MTHFD1L: variants seen among roughly 807,000 people sequenced by gnomAD.
The protein encoded by MTHFD1L is methylenetetrahydrofolate dehydrogenase (NADP+ dependent) 1 like, also known as monofunctional C1-tetrahydrofolate synthase, mitochondrial.
In MTHFD1L, 81 loss-of-function variants were observed where a neutral mutation model predicts 119.5. The ratio of observed to expected loss-of-function variants is 0.68; its 90% CI spans 0.57 to 0.82. The LOEUF (loss-of-function observed/expected upper bound fraction) is 0.82, where lower values mean the gene tolerates loss of function less well. Among genes scored for constraint, MTHFD1L ranks in the 40% least tolerant of loss-of-function variants. MTHFD1L has a pLI of 0.00. For missense variants in MTHFD1L, 1,125 were observed against 1,253.4 expected (o/e 0.90, Z 1.55); for synonymous variants, 430 against 475.2 (o/e 0.90, Z 1.24).
Position 151,033,121 on chromosome 6 carries a change from CT to C in MTHFD1L, c.2587-1357del, listed in dbSNP as rs1219393561. ...ACTAATTGCATCATGCATATGCTTT[CT>C]TTTTTTTTTTTTTTGAGACAGAGTC... On this transcript the variant is annotated intron_variant, in intron 24 of 27. Transcript: ENST00000367321. Among the ~76,000 whole-genome samples the C allele has an allele frequency of 3.7e-3, 524 of 141,438 alleles. 1 individual carries two copies. Among genetic ancestry groups the C allele is most frequent in the African/African-American group, 5.8e-3 (223 of 38,748 alleles). The allele number at this position is 141,438 out of a possible 152,430, so 92.8% of individuals were successfully genotyped here.
intron 27 of MTHFD1L, among the ~76,000 whole-genome samples, chr6:151,101,321 T>C (rs544520125): frequency 2.6e-5 from 4 of 152,170 alleles, no homozygotes; most frequent in Non-Finnish European, 5.9e-5. Context: ...TGCCTGCTCT[T>C]ATAGAGTGGT....
chr6:151,057,487 C>A, intron 26 of MTHFD1L: 1 of 303,668 alleles, frequency 3.3e-6, no homozygotes, highest in Non-Finnish European at 4.8e-6. Flanking sequence ...CAAAAAGTTA[C>A]TGGGCTCAGT....
chr6:150,866,031 C>A lies in MTHFD1L; in HGVS notation c.209C>A (p.Ala70Glu). The change falls in exon 1 of 28, where the codon GCG (alanine) becomes GAG (glutamate). Residue 70 changes from alanine (A) to glutamate (E), a missense_variant. Ala to Glu is a moderately radical substitution (Grantham distance 107). Transcript: ENST00000367321. The stretch of plus-strand genomic sequence containing the variant: ...AGCCCCGGCGGCCGAACGCCCGCGG[C>A]GCGGGACTCCATCGTCAGGTGAGTG... ...SCSPGGRTPA[A>E]RDSIVREVIQ... 2 of 1,442,492 alleles carry A rather than the reference C, an allele frequency of 1.4e-6. No homozygotes were observed. Among genetic ancestry groups the A allele is most frequent in the Non-Finnish European group, 9.1e-7 (1 of 1,104,862 alleles). The allele number at this position is 1,442,492 out of a possible 1,614,324, so 89.4% of individuals were successfully genotyped here. A position where few individuals can be genotyped will look rare whatever the true frequency, so the allele number is the denominator to read the frequency against.
chr6:150,876,905 G>A (rs1780545733), intron 2 of MTHFD1L, among the ~76,000 whole-genome samples: 1 of 152,216 alleles, frequency 6.6e-6, no homozygotes, highest in Non-Finnish European at 1.5e-5. Flanking sequence ...CATTCTCTGG[G>A]ATCTGTAGCC....
At chr6:151,065,278 A>G (rs1026862651) in intron 26 of MTHFD1L, among the ~76,000 whole-genome samples, 3 of 152,164 alleles carry the variant, frequency 2.0e-5, no homozygotes, top group Non-Finnish European at 4.4e-5. Context: ...TCCTATCCAG[A>G]GGGAAGGCCT....
At chr6:151,095,132 A>C (rs17080769) in intron 27 of MTHFD1L, among the ~76,000 whole-genome samples, 1 of 152,150 alleles carries the variant, frequency 6.6e-6, no homozygotes, top group Non-Finnish European at 1.5e-5. Context: ...CCATAACTGC[A>C]TCTTTGATCT....
At chr6:151,032,094 C>T (rs2346142) in intron 24 of MTHFD1L, among the ~76,000 whole-genome samples, 2,307 of 152,248 alleles carry the variant, frequency 0.015, 50 homozygotes, top group African/African-American at 0.052. Flanking sequence ...TAGAAAAGTC[C>T]TCTTTCTTTG....
In MTHFD1L at chr6:150,916,619, A is replaced by C. The variant is rs150225801; in HGVS notation, c.893-1958A>C. Reference sequence around the variant, plus strand: ...CCTGGGATTACAGGCGTGAGCCACTATGCCCTGCCAGAAGTAGAATTCTTA... The same window carrying C: ...CCTGGGATTACAGGCGTGAGCCACTCTGCCCTGCCAGAAGTAGAATTCTTA... On this transcript the variant is annotated intron_variant, in intron 8 of 27. Transcript: ENST00000367321. Among the ~76,000 whole-genome samples the C allele has an allele frequency of 1.6e-3, 243 of 149,166 alleles. 2 individuals carry two copies. Among genetic ancestry groups the C allele is most frequent in the African/African-American group, 5.6e-3 (229 of 40,660 alleles).
chr6:150,978,734 G>A (rs750709516), intron 20 of MTHFD1L, among the ~76,000 whole-genome samples: 3 of 152,072 alleles, frequency 2.0e-5, no homozygotes, highest in African/African-American at 7.2e-5. Context: ...CCTTAAAACC[G>A]TCTGTGGGAT....
intron 4 of MTHFD1L, 66 bp from the exon 5 acceptor site, chr6:150,882,696 G>C: frequency 8.4e-7 from 1 of 1,187,000 alleles, no homozygotes; most frequent in East Asian, 3.1e-5. Context: ...TTTATATAAA[G>C]CTTCCTTTGT....
At chr6:151,027,398 G>A (rs1488984116) in intron 24 of MTHFD1L, among the ~76,000 whole-genome samples, 1 of 152,136 alleles carries the variant, frequency 6.6e-6, no homozygotes, top group Non-Finnish European at 1.5e-5. Flanking sequence ...GTGGTTATTT[G>A]ATCACTTAGC....
At chr6:151,027,147 G>A (rs140306263) in intron 24 of MTHFD1L, among the ~76,000 whole-genome samples, 1 of 152,016 alleles carries the variant, frequency 6.6e-6, no homozygotes, top group Admixed American at 6.6e-5. Context: ...TTTCTTTAAT[G>A]CACTATTCCA....
Position 151,068,521 on chromosome 6 carries a change from A to G in MTHFD1L, c.2848-23946A>G, listed in dbSNP as rs191720069. ...CCGAGGGTTCAATTACAACATCCGT[A>G]TGCTTTCCAGCCCACTCTCTGACCT... On this transcript the variant is annotated intron_variant, in intron 26 of 27. Coordinates refer to ENST00000367321, the MANE Select transcript of MTHFD1L (RefSeq NM_015440.5). Among the ~76,000 whole-genome samples, 165 of 152,294 alleles carry G rather than the reference A, an allele frequency of 1.1e-3. 1 individual carries two copies. The highest frequency in any genetic ancestry group is 3.6e-3 in the African/African-American group (151 of 41,562).
At chr6:150,871,053 T>C (rs1432183723) in intron 1 of MTHFD1L, among the ~76,000 whole-genome samples, 1 of 145,284 alleles carries the variant, frequency 6.9e-6, no homozygotes, top group Non-Finnish European at 1.5e-5. Flanking sequence ...CCTTATAATA[T>C]ATATACCTTA....
chr6:151,064,177 A>T (rs1790964235), intron 26 of MTHFD1L, among the ~76,000 whole-genome samples: 1 of 152,210 alleles, frequency 6.6e-6, no homozygotes, highest in South Asian at 2.1e-4. Context: ...GTCAATTTGA[A>T]GAGTTGTCTC....
chr6:151,005,237 A>G (rs1781215918), intron 20 of MTHFD1L, among the ~76,000 whole-genome samples: 1 of 152,088 alleles, frequency 6.6e-6, no homozygotes, highest in Admixed American at 6.5e-5. Flanking sequence ...TAAGGCACAG[A>G]TACACAGCAC....
At chr6:150,934,213 A>C (rs1791660554) in intron 11 of MTHFD1L, among the ~76,000 whole-genome samples, 1 of 152,200 alleles carries the variant, frequency 6.6e-6, no homozygotes, top group Non-Finnish European at 1.5e-5. Flanking sequence ...TCATCTATCA[A>C]GTGAGCGTAC....
In MTHFD1L at chr6:151,015,523, AC is replaced by A; in HGVS notation, c.2419del (p.Arg807AlafsTer39). 1 of 1,608,670 alleles carries A rather than the reference AC, an allele frequency of 6.2e-7. No individual in the cohort carries two copies. Among genetic ancestry groups the A allele is most frequent in the Non-Finnish European group, 8.5e-7 (1 of 1,178,026 alleles). On this transcript the variant is annotated frameshift_variant, in exon 24 of 28. Transcript: ENST00000367321. LOFTEE classifies it high-confidence loss of function. ...AAACATTTTCTTCACTAGGACCGAC[AC>A]CCGCGCTGAGATTGACTTGGTGTGT... ...VVALNVFKTD[T>X]RAEIDLVCEL...
chr6:150,866,651 C>T, intron 1 of MTHFD1L: 2 of 1,195,780 alleles, frequency 1.7e-6, no homozygotes, highest in East Asian at 3.5e-5. Context: ...GCCGGGCCCC[C>T]GGGACAGCCG....
Sources: allele counts gnomAD v4.1 joint callset (sites outside exome capture counted in the v4.1 genomes callset), GRCh38; gene constraint gnomAD v4.1.1; transcripts MANE v1.5; gene names NCBI Gene and HGNC (gene_info 2026-07-23, HGNC 2026-07-21).